SAMSN1: variants seen among roughly 807,000 people sequenced by gnomAD.
The protein encoded by SAMSN1 is SAM domain, SH3 domain and nuclear localization signals 1.
A neutral mutation model predicts 42.0 loss-of-function variants in SAMSN1; 31 were observed. That is an observed-to-expected ratio of 0.74 (90% CI 0.55 to 1.00). The LOEUF is 1.00. Ranked by LOEUF, SAMSN1 falls within the 50% of genes least tolerant of loss-of-function variation. The pLI, the probability that SAMSN1 is intolerant of heterozygous loss-of-function variation, is 0.00. For missense variants in SAMSN1, 464 were observed against 439.4 expected, an observed-to-expected ratio of 1.06 and a Z score of -0.50; for synonymous variants, 178 against 151.9, an observed-to-expected ratio of 1.17 and a Z score of -1.26.
At position 14,512,588 on chromosome 21, in the gene SAMSN1, T is replaced by C. The variant is rs1437500196; in HGVS notation, c.280-15A>G. On this transcript the variant is annotated splice_polypyrimidine_tract_variant and intron_variant, in intron 3 of 7. Transcript: ENST00000400566. ...TCTTCCTCATCCTTCAGAAAACATA[T>C]CAGAGGTTAGGTACAGAGAGAAGAT... 2.5e-6 allele frequency: 4 copies of C among 1,613,302 alleles called. No individual in the cohort carries two copies. Among genetic ancestry groups the C allele is most frequent in the Non-Finnish European group, 3.4e-6 (4 of 1,179,312 alleles).
At chr21:14,612,290 A>T (rs1982729547) in intron 4 of SAMSN1, among the ~76,000 whole-genome samples, 1 of 152,204 alleles carries the variant, frequency 6.6e-6, no homozygotes, top group Non-Finnish European at 1.5e-5. Flanking sequence ...TCACATTGTG[A>T]ATGTTTTATA....
chr21:14,570,876 A>T (rs1479718598), intron 2 of SAMSN1, among the ~76,000 whole-genome samples: 1 of 152,170 alleles, frequency 6.6e-6, no homozygotes, highest in Non-Finnish European at 1.5e-5. Context: ...TAGCTTCCTC[A>T]TTGCTTTTAG....
intron 2 of SAMSN1, chr21:14,616,151 TG>T (rs1259125415): frequency 2.9e-6 from 1 of 342,242 alleles, no homozygotes; most frequent in East Asian, 4.4e-5. Context: ...TTTTCCCTAG[TG>T]AAAAAGACTG....
upstream of SAMSN1, chr21:14,585,520 G>A (rs1286081557): frequency 2.0e-5 from 3 of 152,286 alleles, no homozygotes; most frequent in South Asian, 2.1e-4. Flanking sequence ...TAAAGCATTT[G>A]GAAGGTATCT....
At chr21:14,603,591 T>C (rs1278094331) in intron 5 of SAMSN1, among the ~76,000 whole-genome samples, 1 of 152,292 alleles carries the variant, frequency 6.6e-6, no homozygotes, top group Non-Finnish European at 1.5e-5. Context: ...AGTGTAGAGA[T>C]TGAGGCTGGT....
chr21:14,577,646 T>C (rs1248340162), intron 2 of SAMSN1, among the ~76,000 whole-genome samples: 2 of 152,128 alleles, frequency 1.3e-5, no homozygotes, highest in South Asian at 2.1e-4. Context: ...TCGTAAGTAC[T>C]CTTCAGTTAT....
At chr21:14,533,547 T>C (rs555613987) in intron 1 of SAMSN1, among the ~76,000 whole-genome samples, 1 of 152,300 alleles carries the variant, frequency 6.6e-6, no homozygotes, top group East Asian at 1.9e-4. Flanking sequence ...AAGTATCACG[T>C]CTCTATGTCC....
At position 14,627,773 on chromosome 21, in the gene SAMSN1, A is replaced by G. The variant is rs114081752; in HGVS notation, c.157-11757T>C. On this transcript the variant is annotated intron_variant, in intron 2 of 15. Transcript: ENST00000647101. The stretch of plus-strand genomic sequence containing the variant: ...TAACATCAAATCAAAAACAAAAAAA[A>G]GTAAAATGATGCTGCGAGCTTCTCA... 3.2e-3 allele frequency among the ~76,000 whole-genome samples: 485 copies of G among 152,348 alleles called. 5 individuals carry two copies. The highest frequency in any genetic ancestry group is 0.011 in the African/African-American group (459 of 41,586).
chr21:14,557,123 G>C (rs1980785404), intron 2 of SAMSN1, among the ~76,000 whole-genome samples: 1 of 152,154 alleles, frequency 6.6e-6, no homozygotes. Flanking sequence ...CCTGGCAGAA[G>C]GGTCTGCTTT....
chr21:14,506,944 A>C (rs1987439142), intron 5 of SAMSN1, among the ~76,000 whole-genome samples: 1 of 152,202 alleles, frequency 6.6e-6, no homozygotes, highest in Admixed American at 6.5e-5. Context: ...AACAAAAATC[A>C]CATGATCATC....
At chr21:14,570,310 T>C (rs966089476) in intron 2 of SAMSN1, among the ~76,000 whole-genome samples, 2 of 152,216 alleles carry the variant, frequency 1.3e-5, no homozygotes, top group Non-Finnish European at 2.9e-5. Context: ...TATCTATTCA[T>C]ATGCCCCTCT....
intron 6 of SAMSN1, 89 bp downstream of exon 6, chr21:14,500,440 T>G: frequency 9.4e-7 from 1 of 1,065,328 alleles, no homozygotes; most frequent in Middle Eastern, 2.1e-4. Context: ...ACTTGTATTT[T>G]TAAGCAATGC....
intron 3 of SAMSN1, among the ~76,000 whole-genome samples, chr21:14,515,555 G>A (rs1987878585): frequency 6.6e-6 from 1 of 151,948 alleles, no homozygotes; most frequent in Non-Finnish European, 1.5e-5. Flanking sequence ...AAGAAAACAT[G>A]GGAATAAATC....
At chr21:14,579,531 T>C (rs1349919748) in intron 2 of SAMSN1, among the ~76,000 whole-genome samples, 1 of 152,138 alleles carries the variant, frequency 6.6e-6, no homozygotes, top group East Asian at 1.9e-4. Context: ...TATCTGGATC[T>C]ATGGAAACAA....
chr21:14,641,521 G>C (rs768767575), intron 2 of SAMSN1, among the ~76,000 whole-genome samples: 19 of 152,144 alleles, frequency 1.2e-4, no homozygotes, highest in Middle Eastern at 3.2e-3. Context: ...GAGTGGGCAA[G>C]TTATTTAACC....
intron 6 of SAMSN1, among the ~76,000 whole-genome samples, chr21:14,598,769 T>C (rs1320371730): frequency 1.3e-5 from 2 of 152,162 alleles, no homozygotes; most frequent in Non-Finnish European, 2.9e-5. Flanking sequence ...TTTTAGTGTC[T>C]GAAATATATT....
chr21:14,565,691 G>T (rs138003123), intron 2 of SAMSN1, among the ~76,000 whole-genome samples: 279 of 152,242 alleles, frequency 1.8e-3, no homozygotes, highest in African/African-American at 6.6e-3. Context: ...TCAGAGAGTA[G>T]TGTGACTGCG....
intron 1 of SAMSN1, among the ~76,000 whole-genome samples, chr21:14,525,984 C>G (rs1193052313): frequency 2.0e-5 from 3 of 151,896 alleles, no homozygotes; most frequent in Admixed American, 2.0e-4. Flanking sequence ...CCTGCCTCAG[C>G]CCCCCCGAGT....
intron 1 of SAMSN1, among the ~76,000 whole-genome samples, chr21:14,535,255 A>T (rs1442703806): frequency 6.6e-6 from 1 of 152,190 alleles, no homozygotes; most frequent in African/African-American, 2.4e-5. Flanking sequence ...AAGGGGGTCA[A>T]ATAGATGTTT....
Sources: allele counts gnomAD v4.1 joint callset (sites outside exome capture counted in the v4.1 genomes callset), GRCh38; gene constraint gnomAD v4.1.1; transcripts MANE v1.5; gene names NCBI Gene and HGNC (gene_info 2026-07-23, HGNC 2026-07-21).